The following CTNNBL1 variants were observed in gnomAD, a reference collection of about 807,000 sequenced individuals.
CTNNBL1 encodes beta-catenin-like protein 1.
A neutral mutation model predicts 72.7 loss-of-function variants in CTNNBL1; 31 were observed. That is an observed-to-expected ratio of 0.43 (90% CI 0.32 to 0.58). CTNNBL1 has a LOEUF of 0.58. CTNNBL1 is among the 20% of genes least tolerant of loss of function. The pLI is 0.08. For missense variants in CTNNBL1, 534 were observed against 725.1 expected, an observed-to-expected ratio of 0.74 and a Z score of 3.03; for synonymous variants, 240 against 267.3, an observed-to-expected ratio of 0.90 and a Z score of 1.00.
chr20:37,836,664 T>C (rs1413034755), intron 11 of CTNNBL1, among the ~76,000 whole-genome samples: 1 of 152,214 alleles, frequency 6.6e-6, no homozygotes, highest in Non-Finnish European at 1.5e-5. Context: ...GAGGAGCTTC[T>C]TCAGGTTAGG....
At chr20:37,835,774 C>T (rs369007092) in intron 11 of CTNNBL1, among the ~76,000 whole-genome samples, 5 of 152,120 alleles carry the variant, frequency 3.3e-5, no homozygotes, top group East Asian at 3.9e-4. Context: ...ATGAATGGGG[C>T]GCTAGTTAAA....
chr20:37,809,823 A>G (rs569667741), intron 11 of CTNNBL1, among the ~76,000 whole-genome samples: 27 of 152,318 alleles, frequency 1.8e-4, no homozygotes, highest in African/African-American at 6.3e-4. Flanking sequence ...TGCTTGGTGC[A>G]TGGTAGGTGC....
At chr20:37,717,859 A>C (rs1194208361) in intron 1 of CTNNBL1, among the ~76,000 whole-genome samples, 2 of 152,128 alleles carry the variant, frequency 1.3e-5, no homozygotes, top group Non-Finnish European at 2.9e-5. Context: ...CACATCTTGC[A>C]CCGCCCTTAA....
chr20:37,733,199 G>A, intron 2 of CTNNBL1, 132 bp downstream of exon 2: 1 of 770,322 alleles, frequency 1.3e-6, no homozygotes, highest in Non-Finnish European at 2.1e-6. Context: ...ATTTCATCGC[G>A]TTAATGTGAA....
At chr20:37,845,551 G>A (rs1037606196) in intron 13 of CTNNBL1, among the ~76,000 whole-genome samples, 1 of 152,214 alleles carries the variant, frequency 6.6e-6, no homozygotes, top group Non-Finnish European at 1.5e-5. Flanking sequence ...GCCAGGGCAG[G>A]TAGGGGTGAG....
chr20:37,720,710 T>A (rs1400469624), intron 1 of CTNNBL1, among the ~76,000 whole-genome samples: 2 of 152,178 alleles, frequency 1.3e-5, no homozygotes, highest in African/African-American at 4.8e-5. Context: ...TTTTTCTTTT[T>A]CACTTTAGTG....
intron 12 of CTNNBL1, among the ~76,000 whole-genome samples, chr20:37,840,699 G>A (rs904821686): frequency 2.4e-4 from 37 of 152,198 alleles, no homozygotes; most frequent in African/African-American, 6.5e-4. Flanking sequence ...ATAATGATAA[G>A]GAAATGGTAG....
chr20:37,768,494 A>G (rs988525190), intron 7 of CTNNBL1, among the ~76,000 whole-genome samples: 1 of 152,218 alleles, frequency 6.6e-6, no homozygotes, highest in Non-Finnish European at 1.5e-5. Flanking sequence ...CACTATGCTG[A>G]TGTACCAAAA....
chr20:37,711,149 C>T (rs1431658331), intron 1 of CTNNBL1, among the ~76,000 whole-genome samples: 1 of 152,182 alleles, frequency 6.6e-6, no homozygotes, highest in Non-Finnish European at 1.5e-5. Context: ...TGTGAAAGGA[C>T]AGTTTGAGCA....
chr20:37,777,715 G>A lies in CTNNBL1; in HGVS notation c.882+3G>A. 1 of 1,613,430 alleles carries A rather than the reference G, an allele frequency of 6.2e-7. No homozygotes were observed. Among genetic ancestry groups the A allele is most frequent in the Middle Eastern group, 1.7e-4 (1 of 6,056 alleles). Reference sequence around the variant, plus strand: ...ATGTGCTTCTTCAGCAGTTATCCGTGAGTAATTCTTATGCTTCCTGTCTGC... The same window carrying A: ...ATGTGCTTCTTCAGCAGTTATCCGTAAGTAATTCTTATGCTTCCTGTCTGC... On this transcript the variant is annotated splice_donor_region_variant and intron_variant, in intron 9 of 15. Transcript: ENST00000361383.
chr20:37,744,886 T>C (rs1213116138), intron 3 of CTNNBL1, among the ~76,000 whole-genome samples: 1 of 152,204 alleles, frequency 6.6e-6, no homozygotes, highest in African/African-American at 2.4e-5. Context: ...TACATGGTAT[T>C]GAAGCGGTTG....
intron 10 of CTNNBL1, among the ~76,000 whole-genome samples, chr20:37,800,875 C>T (rs929312993): frequency 6.6e-6 from 1 of 152,234 alleles, no homozygotes; most frequent in Non-Finnish European, 1.5e-5. Context: ...TTCAGGACCT[C>T]TGTGCTTGCT....
intron 4 of CTNNBL1, among the ~76,000 whole-genome samples, chr20:37,748,074 TC>T (rs1222423643): frequency 3.9e-5 from 6 of 152,240 alleles, no homozygotes; most frequent in African/African-American, 1.2e-4. Context: ...TAGTAGTTGT[TC>T]TGTTTGAATC....
At chr20:37,764,137 G>GAAC (rs1310448479) in intron 5 of CTNNBL1, among the ~76,000 whole-genome samples, 2 of 152,116 alleles carry the variant, frequency 1.3e-5, no homozygotes, top group African/African-American at 4.8e-5. Context: ...GGTAAGGCCT[G>GAAC]TTACATATTT....
At chr20:37,789,159 GA>G (rs2073703237) in intron 10 of CTNNBL1, among the ~76,000 whole-genome samples, 2 of 152,292 alleles carry the variant, frequency 1.3e-5, no homozygotes, top group Non-Finnish European at 2.9e-5. Context: ...CTTGATAAAT[GA>G]AAAGAAAAGA....
rs373830040 is a variant in CTNNBL1, at chr20:37,694,155, A to G, written c.30+3A>G. 2.0e-5 allele frequency: 32 copies of G among 1,595,990 alleles called. No homozygotes were observed. In the African/African-American group the frequency reaches 4.0e-4, roughly 20 times the overall value. On this transcript the variant is annotated splice_donor_region_variant and intron_variant, in intron 1 of 15. Transcript: ENST00000361383. ...TGGGCGAACTTCTGAGCTACCAGGT[A>G]TGAGGGGCAGGGAGGGCCGAGCGAC...
intron 1 of CTNNBL1, among the ~76,000 whole-genome samples, chr20:37,720,524 G>A (rs758511497): frequency 6.6e-6 from 1 of 152,130 alleles, no homozygotes; most frequent in Admixed American, 6.5e-5. Flanking sequence ...TAAAAAAAAG[G>A]TGGTGGTAAA....
intron 1 of CTNNBL1, among the ~76,000 whole-genome samples, chr20:37,707,066 G>A (rs2122551578): frequency 1.3e-5 from 2 of 152,270 alleles, no homozygotes; most frequent in South Asian, 4.1e-4. Context: ...AGTAAACAAT[G>A]CTGTAAACAG....
chr20:37,826,793 GT>G (rs747385664), intron 11 of CTNNBL1, among the ~76,000 whole-genome samples: 48 of 152,310 alleles, frequency 3.2e-4, no homozygotes, highest in Non-Finnish European at 5.4e-4. Flanking sequence ...CAGAAAGTAA[GT>G]TGCAGACAGC....
Sources: gnomAD v4.1 joint callset for allele counts (sites outside exome capture counted in the v4.1 genomes callset) on GRCh38, gnomAD v4.1.1 for gene constraint, MANE v1.5 for transcripts, NCBI Gene and HGNC (gene_info 2026-07-23, HGNC 2026-07-21) for gene names.